SORT1: variants seen among roughly 807,000 people sequenced by gnomAD.
SORT1 encodes sortilin 1.
A neutral mutation model predicts 101.7 loss-of-function variants in SORT1; 39 were observed. The ratio of observed to expected loss-of-function variants is 0.38; its 90% CI spans 0.30 to 0.50. The LOEUF (loss-of-function observed/expected upper bound fraction) is 0.50. Among genes scored for constraint, SORT1 ranks in the 20% least tolerant of loss-of-function variants. SORT1 has a pLI of 0.90. For missense variants in SORT1, 878 were observed against 1,040.4 expected, an observed-to-expected ratio of 0.84 and a Z score of 2.15; for synonymous variants, 396 against 393.7, an observed-to-expected ratio of 1.01 and a Z score of -0.07.
intron 1 of SORT1, among the ~76,000 whole-genome samples, chr1:109,396,163 G>A (rs1338857576): frequency 6.6e-6 from 1 of 152,074 alleles, no homozygotes; most frequent in Non-Finnish European, 1.5e-5. Context: ...AGGAGGCTGA[G>A]GTAAGACTCT....
chr1:109,362,818 G>C (rs1650816396), intron 3 of SORT1, among the ~76,000 whole-genome samples: 1 of 150,512 alleles, frequency 6.6e-6, no homozygotes, highest in Non-Finnish European at 1.5e-5. Flanking sequence ...AAAAAAGCAA[G>C]AAAATATATG....
At chr1:109,374,636 T>C (rs1651703285) in intron 1 of SORT1, among the ~76,000 whole-genome samples, 1 of 151,222 alleles carries the variant, frequency 6.6e-6, no homozygotes, top group Non-Finnish European at 1.5e-5. Context: ...ATTAGACTTG[T>C]AGAAATGAGT....
chr1:109,318,083 T>C (rs1647359307), intron 15 of SORT1, 114 bp from the exon 16 acceptor site: 3 of 656,068 alleles, frequency 4.6e-6, no homozygotes, highest in Non-Finnish European at 5.4e-6. Flanking sequence ...CTTGGGTTGT[T>C]AGAAAGTAGC....
Position 109,318,117 on chromosome 1 carries a change from G to A in SORT1, c.2025-148C>T, listed in dbSNP as rs1044100675. ...GCTCAGGAAGTCCTGTGACACCTCTGAAGGAGGTCGATTTAGGAAAACAGA... is the reference window on the plus strand; with the variant it reads ...GCTCAGGAAGTCCTGTGACACCTCTAAAGGAGGTCGATTTAGGAAAACAGA... On this transcript the variant is annotated intron_variant, in intron 15 of 19. Coordinates refer to ENST00000256637, the MANE Select transcript of SORT1 (RefSeq NM_002959.7). 2.8e-5 allele frequency: 15 copies of A among 532,734 alleles called. No homozygotes were observed. In the South Asian group the frequency reaches 3.3e-4, roughly 12 times the overall value. 33.0% of individuals were successfully genotyped at this position (532,734 alleles called of 1,614,324 possible).
At position 109,314,214 on chromosome 1, in the gene SORT1, A is replaced by AT. The variant is rs748583141; in HGVS notation, c.2481+46dup. On this transcript the variant is annotated intron_variant, in intron 19 of 19. Coordinates refer to ENST00000256637, the MANE Select transcript of SORT1 (RefSeq NM_002959.7). ...TAGAAGACAGACTTTATTTTCTTGTATTTTTTGGGGGGGGGGGTACTACCA... is the reference window on the plus strand; with the variant it reads ...TAGAAGACAGACTTTATTTTCTTGTATTTTTTTGGGGGGGGGGGTACTACCA... The AT allele has an allele frequency of 1.1e-3, 1,331 of 1,186,984 alleles. 2 individuals are homozygous for AT. The highest frequency in any genetic ancestry group is 6.1e-3 in the African/African-American group (352 of 57,598). 73.5% of individuals were successfully genotyped at this position (1,186,984 alleles called of 1,614,324 possible).
intron 8 of SORT1, among the ~76,000 whole-genome samples, chr1:109,344,684 A>G (rs1649464310): frequency 6.6e-6 from 1 of 152,076 alleles, no homozygotes; most frequent in African/African-American, 2.4e-5. Flanking sequence ...ATTACCTGAT[A>G]CACACACACT....
At chr1:109,359,899 T>C (rs897275989) in intron 3 of SORT1, among the ~76,000 whole-genome samples, 2 of 152,168 alleles carry the variant, frequency 1.3e-5, no homozygotes, top group Non-Finnish European at 2.9e-5. Context: ...CAAGGTATGA[T>C]TCATCTTGAA....
Position 109,369,530 on chromosome 1 carries a change from C to T in SORT1, c.366G>A (p.Gly122=). The T allele has an allele frequency of 1.3e-6, 2 of 1,591,380 alleles. No homozygotes were observed. The highest frequency in any genetic ancestry group is 1.7e-6 in the Non-Finnish European group (2 of 1,159,400). ...ATAACAGACTCAAAATATGACTTAC[C>T]CCAGTGCTATCTCCAACCCAGGACA... The part of the protein sequence containing the change: ...VSLSWVGDST[G]VILVLTTFHV... Residue 122 remains glycine, a splice_region_variant and synonymous_variant, in exon 2 of 20, where the codon GGG becomes GGA. Transcript: ENST00000256637.
intron 1 of SORT1, among the ~76,000 whole-genome samples, chr1:109,388,290 T>G (rs907653541): frequency 4.6e-5 from 7 of 152,170 alleles, no homozygotes; most frequent in African/African-American, 1.7e-4. Flanking sequence ...CAGACTGGAA[T>G]GCAGCGGCGC....
rs765153655 is a variant in SORT1 at position 109,322,894 on chromosome 1, G to GTTTT, written c.2024+37_2024+38insAAAA. ...AAACTGTCTTTCACCTCCTCCAACA[G>GTTTT]GGAAAGGGAGACAGAGAAATCTGAG... is the stretch of plus-strand genomic sequence containing the variant. On this transcript the variant is annotated intron_variant, in intron 15 of 19. Coordinates refer to ENST00000256637, the MANE Select transcript of SORT1 (RefSeq NM_002959.7). 12 of 1,547,670 alleles carry GTTTT rather than the reference G, an allele frequency of 7.8e-6. No homozygotes were observed. The East Asian group carries it at 2.7e-4, about 35-fold the overall frequency.
At chr1:109,351,965 G>GGTGTGTGTGTGTGTGTGTGTGTGT (rs10540637) in intron 5 of SORT1, among the ~76,000 whole-genome samples, 17 of 147,406 alleles carry the variant, frequency 1.2e-4, no homozygotes, top group African/African-American at 4.3e-4. Context: ...GAGAGGTAGG[G>GGTGTGTGTGTGTGTGTGTGTGTGT]GTGTGTGTGT....
chr1:109,325,447 G>A (rs986962274), intron 13 of SORT1, among the ~76,000 whole-genome samples: 3 of 151,624 alleles, frequency 2.0e-5, no homozygotes, highest in Non-Finnish European at 2.9e-5. Flanking sequence ...CACATGTTGG[G>A]CAGGCTGGTC....
At chr1:109,315,237 C>G (rs1329292756) in intron 17 of SORT1, among the ~76,000 whole-genome samples, 1 of 152,096 alleles carries the variant, frequency 6.6e-6, no homozygotes, top group East Asian at 1.9e-4. Context: ...TATTTGTTTA[C>G]TTAATTTTTT....
At chr1:109,370,524 T>C (rs1651423750) in intron 1 of SORT1, among the ~76,000 whole-genome samples, 1 of 152,108 alleles carries the variant, frequency 6.6e-6, no homozygotes, top group Non-Finnish European at 1.5e-5. Context: ...CATATAGAAA[T>C]TACATACTAT....
chr1:109,381,535 C>T (rs1264823355), intron 1 of SORT1, among the ~76,000 whole-genome samples: 1 of 152,106 alleles, frequency 6.6e-6, no homozygotes, highest in Non-Finnish European at 1.5e-5. Context: ...AAGCAGGCTA[C>T]AAAACAGCAT....
chr1:109,383,497 A>G (rs1396937981), intron 1 of SORT1, among the ~76,000 whole-genome samples: 1 of 152,252 alleles, frequency 6.6e-6, no homozygotes, highest in East Asian at 1.9e-4. Context: ...AAAGAACGTT[A>G]AGCCTAGCTC....
intron 1 of SORT1, among the ~76,000 whole-genome samples, chr1:109,370,125 A>G (rs1271200750): frequency 6.6e-6 from 1 of 152,216 alleles, no homozygotes; most frequent in African/African-American, 2.4e-5. Flanking sequence ...TTATTTAATA[A>G]CAATAGTAAT....
chr1:109,317,119 T>C (rs1171372324), intron 16 of SORT1, among the ~76,000 whole-genome samples, 161 bp from the exon 17 acceptor site: 1 of 152,140 alleles, frequency 6.6e-6, no homozygotes, highest in Non-Finnish European at 1.5e-5. Flanking sequence ...TTGGGGGATA[T>C]TTTGTGTAGT....
At chr1:109,333,722 T>C (rs1286997867) in intron 11 of SORT1, among the ~76,000 whole-genome samples, 1 of 152,148 alleles carries the variant, frequency 6.6e-6, no homozygotes, top group African/African-American at 2.4e-5. Context: ...CAAGTTAGAA[T>C]GGCTATTATC....
Sources: allele counts gnomAD v4.1 joint callset (sites outside exome capture counted in the v4.1 genomes callset), GRCh38; gene constraint gnomAD v4.1.1; transcripts MANE v1.5; gene names NCBI Gene and HGNC (gene_info 2026-07-23, HGNC 2026-07-21).